Variants in USP32 observed in about 807,000 individuals in gnomAD.
USP32 encodes ubiquitin specific peptidase 32, also known as ubiquitin carboxyl-terminal hydrolase 32.
A neutral mutation model predicts 204.8 loss-of-function variants in USP32; 59 were observed. The ratio of observed to expected loss-of-function variants is 0.29; its 90% CI spans 0.23 to 0.36. The LOEUF is 0.36. Among genes scored for constraint, USP32 ranks in the 10% least tolerant of loss-of-function variants. The pLI, the probability that USP32 is intolerant of heterozygous loss-of-function variation, is 1.00. For synonymous variants in USP32, 517 were observed against 678.4 expected (o/e 0.76, Z 3.70); for missense variants, 1,160 against 1,946.4 (o/e 0.60, Z 7.60).
chr17:60,199,143 G>A (rs1418422046), intron 26 of USP32, among the ~76,000 whole-genome samples: 5 of 136,214 alleles, frequency 3.7e-5, no homozygotes, highest in African/African-American at 1.4e-4. Flanking sequence ...AAAGATGCCA[G>A]TGGAAAAAAA....
chr17:60,188,982 C>G (rs1232784138), intron 29 of USP32, among the ~76,000 whole-genome samples: 2 of 152,244 alleles, frequency 1.3e-5, no homozygotes, highest in Non-Finnish European at 2.9e-5. Context: ...AGGCCGTTTC[C>G]TATAAGCAGG....
intron 11 of USP32, among the ~76,000 whole-genome samples, chr17:60,250,422 T>G (rs2086137449): frequency 6.6e-6 from 1 of 152,130 alleles, no homozygotes; most frequent in Admixed American, 6.5e-5. Flanking sequence ...AAGTGATATT[T>G]ACCTCAGAAT....
chr17:60,237,449 A>G (rs773566432), intron 11 of USP32, among the ~76,000 whole-genome samples: 2 of 152,128 alleles, frequency 1.3e-5, no homozygotes, highest in South Asian at 2.1e-4. Flanking sequence ...TGAAAATGGC[A>G]TAATATGAAA....
upstream of USP32, among the ~76,000 whole-genome samples, chr17:60,395,636 T>C (rs1215519517): frequency 6.6e-6 from 1 of 152,182 alleles, no homozygotes; most frequent in Admixed American, 6.5e-5. Flanking sequence ...CATTGAAGAG[T>C]TGGCCAGCCA....
chr17:60,296,925 G>A (rs1053158173), intron 3 of USP32, among the ~76,000 whole-genome samples: 3 of 152,148 alleles, frequency 2.0e-5, no homozygotes, highest in East Asian at 3.9e-4. Flanking sequence ...ATGAGGGGAT[G>A]GGCAGTCAGA....
intron 1 of USP32, among the ~76,000 whole-genome samples, chr17:60,404,508 T>A (rs577493750): frequency 7.9e-5 from 12 of 152,324 alleles, no homozygotes; most frequent in African/African-American, 2.9e-4. Flanking sequence ...GAAGACAATC[T>A]CGTTTCCTAA....
At chr17:60,372,183 A>C (rs1047026350) in intron 1 of USP32, among the ~76,000 whole-genome samples, 2 of 152,186 alleles carry the variant, frequency 1.3e-5, no homozygotes, top group African/African-American at 2.4e-5. Context: ...GATCAACTAA[A>C]AGAATACAAA....
intron 30 of USP32, among the ~76,000 whole-genome samples, chr17:60,185,149 A>C (rs1392515129): frequency 2.0e-5 from 3 of 152,208 alleles, no homozygotes; most frequent in Non-Finnish European, 4.4e-5. Context: ...CAGAGCCAGA[A>C]GTTTAACCTC....
chr17:60,252,703 G>C (rs112744529), intron 10 of USP32, among the ~76,000 whole-genome samples: 142 of 152,254 alleles, frequency 9.3e-4, no homozygotes, highest in African/African-American at 3.0e-3. Flanking sequence ...AAGAAAAAGC[G>C]AAAGGGGAAG....
intron 11 of USP32, among the ~76,000 whole-genome samples, chr17:60,237,495 C>T (rs894742194): frequency 3.3e-5 from 5 of 152,132 alleles, no homozygotes; most frequent in Admixed American, 2.0e-4. Context: ...GCATTTAGTA[C>T]ATCCAAAATG....
intron 1 of USP32, among the ~76,000 whole-genome samples, chr17:60,385,272 A>T (rs2089710711): frequency 6.6e-6 from 1 of 152,160 alleles, no homozygotes; most frequent in East Asian, 1.9e-4. Context: ...CAAATCCTAT[A>T]AAACAGCCCC....
At chr17:60,196,435 ACATT>A (rs1237462837) in intron 27 of USP32, among the ~76,000 whole-genome samples, 1 of 152,186 alleles carries the variant, frequency 6.6e-6, no homozygotes, top group African/African-American at 2.4e-5. Flanking sequence ...ACTAAACACA[ACATT>A]CATTAACTAA....
At chr17:60,388,158 A>G (rs34266400) in intron 1 of USP32, among the ~76,000 whole-genome samples, 130 of 152,280 alleles carry the variant, frequency 8.5e-4, no homozygotes, top group Non-Finnish European at 1.3e-3. Context: ...TTGACACACT[A>G]TAGTTCATCA....
intron 9 of USP32, among the ~76,000 whole-genome samples, chr17:60,264,165 T>C (rs1313268656): frequency 6.6e-6 from 1 of 152,094 alleles, no homozygotes; most frequent in African/African-American, 2.4e-5. Context: ...ATTTTTGCTA[T>C]TACATGCTTA....
In USP32 at chr17:60,410,439, C is replaced by T. The variant is rs550668598; in HGVS notation, c.106+11807G>A. Among the ~76,000 whole-genome samples the T allele has an allele frequency of 1.2e-3, 183 of 151,872 alleles. 1 individual carries two copies. The highest frequency in any genetic ancestry group is 4.0e-3 in the African/African-American group (166 of 41,414). ...ATCCCAGCACTTTGGGAGGCTGAGG[C>T]GGGCAGATCACAAGGTCAGGAGATT... On this transcript the variant is annotated intron_variant, in intron 1 of 3. Coordinates refer to the USP32 transcript ENST00000588898.
At chr17:60,383,525 T>C (rs1305670540) in intron 1 of USP32, among the ~76,000 whole-genome samples, 1 of 152,242 alleles carries the variant, frequency 6.6e-6, no homozygotes, top group Non-Finnish European at 1.5e-5. Context: ...TTACGTATTA[T>C]GATAAAGGCT....
chr17:60,328,086 C>T (rs1264273312), intron 2 of USP32, among the ~76,000 whole-genome samples: 5 of 152,224 alleles, frequency 3.3e-5, no homozygotes, highest in South Asian at 2.1e-4. Flanking sequence ...CCCCACCTTC[C>T]GGGCCAGGGA....
intron 5 of USP32, among the ~76,000 whole-genome samples, chr17:60,273,472 G>A (rs1401092941): frequency 1.3e-5 from 2 of 152,146 alleles, no homozygotes; most frequent in Non-Finnish European, 2.9e-5. Flanking sequence ...TCCCAACAAA[G>A]CTTACAAACA....
At chr17:60,199,767 T>C (rs754316574) in intron 26 of USP32, among the ~76,000 whole-genome samples, 4 of 152,224 alleles carry the variant, frequency 2.6e-5, no homozygotes, top group Non-Finnish European at 5.9e-5. Context: ...AAATATTTTA[T>C]AAAATTTTAA....
Sources: allele counts gnomAD v4.1 joint callset (sites outside exome capture counted in the v4.1 genomes callset), GRCh38; gene constraint gnomAD v4.1.1; transcripts MANE v1.5; gene names NCBI Gene and HGNC (gene_info 2026-07-23, HGNC 2026-07-21).